The following GATAD2A variants were observed in gnomAD, a reference collection of about 807,000 sequenced individuals.
GATAD2A encodes the protein GATA zinc finger domain containing 2A.
In GATAD2A, 12 loss-of-function variants were observed where a neutral mutation model predicts 68.5. The observed-to-expected ratio is 0.18, with a 90% CI of 0.11 to 0.28. The LOEUF (loss-of-function observed/expected upper bound fraction) is 0.28. Ranked by LOEUF, GATAD2A falls within the 10% of genes least tolerant of loss-of-function variation. GATAD2A has a pLI of 1.00. For missense variants in GATAD2A, 755 were observed against 868.5 expected, an observed-to-expected ratio of 0.87 and a Z score of 1.64; for synonymous variants, 410 against 375.3, an observed-to-expected ratio of 1.09 and a Z score of -1.07.
At chr19:19,476,281 C>T (rs2058672828) in intron 2 of GATAD2A, among the ~76,000 whole-genome samples, 1 of 152,220 alleles carries the variant, frequency 6.6e-6, no homozygotes, top group African/African-American at 2.4e-5. Context: ...GCAGATTAAG[C>T]AGACCTCTTC....
At chr19:19,469,441 G>GAAGA (rs1568314073) in intron 2 of GATAD2A, among the ~76,000 whole-genome samples, 1 of 98,906 alleles carries the variant, frequency 1.0e-5, no homozygotes, top group East Asian at 2.6e-4. Context: ...CAAAAAAAAA[G>GAAGA]AAAAAAAGAT....
chr19:19,449,786 A>C (rs1216140211), intron 1 of GATAD2A, among the ~76,000 whole-genome samples: 1 of 152,136 alleles, frequency 6.6e-6, no homozygotes, highest in African/African-American at 2.4e-5. Flanking sequence ...AGAGAGTGAG[A>C]TCCTGTCTAA....
rs981373049 is a variant in GATAD2A at position 19,411,036 on chromosome 19, G to C, written c.-7+5017G>C. Among the ~76,000 whole-genome samples the C allele has an allele frequency of 2.6e-5, 4 of 152,294 alleles. 1 individual carries two copies. The highest frequency in any genetic ancestry group is 2.6e-4 in the Admixed American group (4 of 15,294). ...AACAACTGCCCCACCTCTTCTGTGGGGGATGACACCACCCTCATGGCAAAC... is the reference window on the plus strand; with the variant it reads ...AACAACTGCCCCACCTCTTCTGTGGCGGATGACACCACCCTCATGGCAAAC... On this transcript the variant is annotated intron_variant, in intron 1 of 11. Transcript: ENST00000683918.
At chr19:19,493,481 T>G (rs988276010) in intron 4 of GATAD2A, among the ~76,000 whole-genome samples, 6 of 152,224 alleles carry the variant, frequency 3.9e-5, no homozygotes, top group African/African-American at 1.2e-4. Flanking sequence ...CTTCTGTTTC[T>G]TCTTCCCTGG....
intron 1 of GATAD2A, among the ~76,000 whole-genome samples, chr19:19,448,639 C>T (rs954082420): frequency 2.6e-5 from 4 of 152,164 alleles, no homozygotes; most frequent in Non-Finnish European, 5.9e-5. Context: ...CAGGCGCCCA[C>T]CACCATGCTG....
chr19:19,438,826 G>A (rs1005694310), intron 1 of GATAD2A, among the ~76,000 whole-genome samples: 11 of 152,206 alleles, frequency 7.2e-5, no homozygotes, highest in African/African-American at 2.7e-4. Context: ...TCAAATAGGC[G>A]GAAGCCACCC....
intron 1 of GATAD2A, among the ~76,000 whole-genome samples, chr19:19,415,434 C>T (rs925953096): frequency 3.3e-5 from 5 of 150,834 alleles, no homozygotes; most frequent in Admixed American, 1.3e-4. Flanking sequence ...GGATTACAGA[C>T]GTGAGCCACC....
chr19:19,445,748 C>T (rs1312114390), intron 1 of GATAD2A, among the ~76,000 whole-genome samples: 3 of 152,160 alleles, frequency 2.0e-5, no homozygotes, highest in Non-Finnish European at 4.4e-5. Flanking sequence ...GTCAGAGTTT[C>T]ATTCCTTTTT....
chr19:19,470,724 A>G (rs1393078052), intron 2 of GATAD2A, among the ~76,000 whole-genome samples: 2 of 152,042 alleles, frequency 1.3e-5, no homozygotes, highest in Non-Finnish European at 2.9e-5. Context: ...TGGACCATAA[A>G]ACAAGGCTCC....
In GATAD2A at chr19:19,450,617, G is replaced by A. The variant is rs370011664; in HGVS notation, c.-6-14723G>A. The stretch of plus-strand genomic sequence containing the variant: ...GCCCTCCTCTCACAGGCTAGGGGGC[G>A]GTCAGGATCCCCGTACCACAAGGTG... On this transcript the variant is annotated intron_variant, in intron 1 of 11. Coordinates refer to ENST00000683918, the MANE Select transcript of GATAD2A (RefSeq NM_001384528.1). Among the ~76,000 whole-genome samples the A allele has an allele frequency of 2.1e-3, 325 of 151,748 alleles. 2 individuals carry two copies. The highest frequency in any genetic ancestry group is 0.016 in the South Asian group (78 of 4,770).
At position 19,506,283 on chromosome 19, in the gene GATAD2A, G is replaced by A. The variant is rs1056111646; in HGVS notation, c.*809G>A. On this transcript the variant is annotated 3_prime_UTR_variant, in exon 12 of 12. Coordinates refer to ENST00000683918, the MANE Select transcript of GATAD2A (RefSeq NM_001384528.1). ...AAGAACAGACCCAGCCAGAGAAGCA[G>A]GGATTCCAGAAGCTGCCCATTAAGG... The A allele has an allele frequency of 2.5e-6, 1 of 398,100 alleles. No homozygotes were observed. The highest frequency in any genetic ancestry group is 4.4e-6 in the Non-Finnish European group (1 of 225,938). 24.7% of individuals were successfully genotyped at this position (398,100 alleles called of 1,614,324 possible).
At chr19:19,445,989 C>G (rs2055667693) in intron 1 of GATAD2A, among the ~76,000 whole-genome samples, 1 of 152,172 alleles carries the variant, frequency 6.6e-6, no homozygotes, top group Non-Finnish European at 1.5e-5. Flanking sequence ...GGAGGCCCTG[C>G]CCAGGCTCAT....
intron 1 of GATAD2A, among the ~76,000 whole-genome samples, chr19:19,422,549 G>T (rs889387233): frequency 1.3e-5 from 2 of 152,196 alleles, no homozygotes; most frequent in Non-Finnish European, 2.9e-5. Flanking sequence ...TCCTGTAAGG[G>T]CTGGGGATAG....
intron 1 of GATAD2A, among the ~76,000 whole-genome samples, chr19:19,433,317 A>G (rs1434149404): frequency 6.6e-6 from 1 of 152,096 alleles, no homozygotes; most frequent in Non-Finnish European, 1.5e-5. Context: ...CTTTGTATCC[A>G]TGTCATACTG....
intron 1 of GATAD2A, among the ~76,000 whole-genome samples, chr19:19,409,830 A>G (rs960398063): frequency 6.6e-6 from 1 of 152,226 alleles, no homozygotes; most frequent in Admixed American, 6.5e-5. Context: ...TTTTTTGTCA[A>G]GAGAGTGTCA....
chr19:19,492,433 C>T lies in GATAD2A; in HGVS notation c.397C>T (p.Leu133Phe), dbSNP rs1161296081. The change falls in exon 3 of 12, where the codon CTC (leucine) becomes TTC (phenylalanine). Residue 133 changes from leucine (L) to phenylalanine (F), a missense_variant. By Grantham distance (22) the Leu-to-Phe change is conservative. Coordinates refer to ENST00000683918, the MANE Select transcript of GATAD2A (RefSeq NM_001384528.1). ...VALKETSTEA[L>F]MKSSPEERER... ...CTTGAAGGAGACTAGCACCGAGGCC[C>T]TCATGGTGAGCCACGTGTTGGCGCT... 2 of 1,613,970 alleles carry T rather than the reference C, an allele frequency of 1.2e-6. No homozygotes were observed. Among genetic ancestry groups the T allele is most frequent in the East Asian group, 2.2e-5 (1 of 44,888 alleles).
At chr19:19,477,679 T>G (rs570133869) in intron 2 of GATAD2A, among the ~76,000 whole-genome samples, 6 of 152,084 alleles carry the variant, frequency 3.9e-5, no homozygotes, top group Non-Finnish European at 5.9e-5. Context: ...GGCCTTGGGT[T>G]TGGGACCCCC....
chr19:19,451,463 G>A (rs2056385073), intron 1 of GATAD2A, among the ~76,000 whole-genome samples: 1 of 152,232 alleles, frequency 6.6e-6, no homozygotes, highest in African/African-American at 2.4e-5. Flanking sequence ...CAGATGTGCA[G>A]CAGTCAACAA....
At chr19:19,402,768 T>G (rs1157780318), upstream of GATAD2A, among the ~76,000 whole-genome samples, 1 of 149,872 alleles carries the variant, frequency 6.7e-6, no homozygotes, top group Non-Finnish European at 1.5e-5. Context: ...TTTGTTTTTG[T>G]TTTTTTGATT....
Sources: gnomAD v4.1 joint callset for allele counts (sites outside exome capture counted in the v4.1 genomes callset) on GRCh38, gnomAD v4.1.1 for gene constraint, MANE v1.5 for transcripts, NCBI Gene and HGNC (gene_info 2026-07-23, HGNC 2026-07-21) for gene names.